FXYD6: variants seen among roughly 807,000 people sequenced by gnomAD.
FXYD6 encodes the protein FXYD domain-containing ion transport regulator 6.
In FXYD6, 7 loss-of-function variants were observed where a neutral mutation model predicts 16.7. That is an observed-to-expected ratio of 0.42 (90% CI 0.24 to 0.79). The LOEUF (loss-of-function observed/expected upper bound fraction) is 0.79, where lower values mean the gene tolerates loss of function less well. FXYD6 is among the 30% of genes least tolerant of loss of function. The pLI, the probability that FXYD6 is intolerant of heterozygous loss-of-function variation, is 0.28. For synonymous variants in FXYD6, 49 were observed against 43.0 expected, an observed-to-expected ratio of 1.14 and a Z score of -0.54; for missense variants, 111 against 116.2, an observed-to-expected ratio of 0.95 and a Z score of 0.21.
At chr11:117,861,467 T>C (rs1315880314) in intron 1 of FXYD6, among the ~76,000 whole-genome samples, 4 of 152,074 alleles carry the variant, frequency 2.6e-5, no homozygotes, top group Admixed American at 2.6e-4. Flanking sequence ...CCTTCCCGAG[T>C]CTGGCTCTGT....
intron 1 of FXYD6, among the ~76,000 whole-genome samples, chr11:117,848,487 C>G (rs572083204): frequency 6.6e-6 from 1 of 151,048 alleles, no homozygotes; most frequent in South Asian, 2.1e-4. Flanking sequence ...TGAGATTGGT[C>G]TGCAGTTTTT....
In FXYD6 at chr11:117,838,164, G is replaced by C. The variant is rs2056242911; in HGVS notation, c.*135C>G. 2.4e-5 allele frequency: 17 copies of C among 701,460 alleles called. No individual in the cohort carries two copies. The highest frequency in any genetic ancestry group is 2.4e-4 in the South Asian group (16 of 67,550). 43.5% of individuals were successfully genotyped at this position (701,460 alleles called of 1,614,324 possible). A position where few individuals can be genotyped will look rare whatever the true frequency, so the allele number is the denominator to read the frequency against. ...TGGTGTTAGAGGGGATAGGGTGGGG[G>C]ACACACAAGTTCTTGGCTTCTCCTG... On this transcript the variant is annotated 3_prime_UTR_variant, in exon 8 of 8. Coordinates refer to ENST00000526014, the MANE Select transcript of FXYD6 (RefSeq NM_022003.4).
At chr11:117,867,366 G>T (rs2057033529) in intron 1 of FXYD6, among the ~76,000 whole-genome samples, 1 of 152,130 alleles carries the variant, frequency 6.6e-6, no homozygotes, top group Admixed American at 6.6e-5. Context: ...CTGCATCTGT[G>T]GCAAAGTCCT....
intron 6 of FXYD6, 199 bp downstream of exon 6, chr11:117,840,120 G>T: frequency 1.5e-6 from 1 of 686,696 alleles, no homozygotes; most frequent in Non-Finnish European, 2.5e-6. Context: ...CAGATGCTCT[G>T]TAAATAGCAG....
chr11:117,863,365 A>C (rs2056949525), intron 1 of FXYD6, among the ~76,000 whole-genome samples: 1 of 152,194 alleles, frequency 6.6e-6, no homozygotes, highest in Admixed American at 6.5e-5. Flanking sequence ...CCACACGATC[A>C]TCTCAATTGA....
chr11:117,843,362 C>G (rs1031990153), intron 1 of FXYD6, among the ~76,000 whole-genome samples: 11 of 152,190 alleles, frequency 7.2e-5, no homozygotes, highest in Non-Finnish European at 1.0e-4. Flanking sequence ...TGACATGCAC[C>G]AGAGTGAGTA....
intron 2 of FXYD6, 137 bp downstream of exon 2, chr11:117,842,582 G>A: frequency 3.5e-6 from 3 of 854,298 alleles, no homozygotes; most frequent in Non-Finnish European, 5.6e-6. Context: ...GCTGACTGAA[G>A]GGAGAGGCCC....
chr11:117,836,994 A>T lies in FXYD6; in HGVS notation c.*1305T>A, dbSNP rs920027045. The T allele has an allele frequency of 2.0e-5, 3 of 152,148 alleles. No homozygotes were observed. The highest frequency in any genetic ancestry group is 7.2e-5 in the African/African-American group (3 of 41,402). 9.4% of individuals were successfully genotyped at this position (152,148 alleles called of 1,614,324 possible). A position where few individuals can be genotyped will look rare whatever the true frequency, so the allele number is the denominator to read the frequency against. ...CCTCCGAGCCACTAGGAAACAAAGGATATTTTATTCCTTTTTTCTGTTGTT... is the reference window on the plus strand; with the variant it reads ...CCTCCGAGCCACTAGGAAACAAAGGTTATTTTATTCCTTTTTTCTGTTGTT... On this transcript the variant is annotated 3_prime_UTR_variant, in exon 8 of 8. Transcript: ENST00000526014.
chr11:117,840,475 C>G, intron 5 of FXYD6, 107 bp from the exon 6 acceptor site: 2 of 1,482,508 alleles, frequency 1.3e-6, no homozygotes, highest in Non-Finnish European at 1.9e-6. Context: ...CAGGCTCCTC[C>G]CAGTGCCCTG....
rs528746121 is a variant in FXYD6, at chr11:117,851,515, A to G, written c.-5-8734T>C. 2.7e-4 allele frequency among the ~76,000 whole-genome samples: 41 copies of G among 152,364 alleles called. No individual in the cohort carries two copies. The South Asian group carries it at 5.2e-3, about 19-fold the overall frequency. On this transcript the variant is annotated intron_variant, in intron 1 of 7. Transcript: ENST00000526014. The stretch of plus-strand genomic sequence containing the variant: ...CCCACTGAAGATTCTCCCTGATTCC[A>G]TACCCTCAGAAACTGTGTGAAATAT...
intron 1 of FXYD6, among the ~76,000 whole-genome samples, chr11:117,858,666 TC>T (rs1465388101): frequency 1.2e-5 from 1 of 84,170 alleles, no homozygotes; most frequent in Non-Finnish European, 2.2e-5. Flanking sequence ...TTTCTTTCTT[TC>T]TTTCTTTCTT....
Position 117,850,506 on chromosome 11 carries a change from G to C in FXYD6, c.-5-7725C>G, listed in dbSNP as rs534951922. On this transcript the variant is annotated intron_variant, in intron 1 of 7. Transcript: ENST00000526014. The stretch of plus-strand genomic sequence containing the variant: ...TTTTTGAAAAATTCTGTATTGTCAG[G>C]CTTTCTGTATTAATTGTCAAATTTA... Among the ~76,000 whole-genome samples, 4 of 152,254 alleles carry C rather than the reference G, an allele frequency of 2.6e-5. No individual in the cohort carries two copies. The South Asian group carries it at 8.3e-4, about 32-fold the overall frequency.
intron 1 of FXYD6, among the ~76,000 whole-genome samples, chr11:117,862,844 G>C (rs7107910): frequency 0.47 from 71,228 of 151,894 alleles, 17,470 homozygotes; most frequent in East Asian, 0.72. Flanking sequence ...TGTCCCTCAG[G>C]CCTGGGCCCT....
intron 1 of FXYD6, among the ~76,000 whole-genome samples, chr11:117,868,649 A>G (rs558689648): frequency 3.2e-4 from 49 of 152,320 alleles, no homozygotes; most frequent in African/African-American, 9.9e-4. Flanking sequence ...TAAAGTGTCA[A>G]TGTTAGTCAA....
intron 1 of FXYD6, among the ~76,000 whole-genome samples, chr11:117,855,618 C>T (rs931953863): frequency 2.0e-5 from 3 of 152,106 alleles, no homozygotes; most frequent in Non-Finnish European, 4.4e-5. Flanking sequence ...GGGTAAGAGG[C>T]TGGGTGGTGA....
chr11:117,841,558 G>A, intron 4 of FXYD6: 1 of 606,820 alleles, frequency 1.6e-6, no homozygotes, highest in Non-Finnish European at 2.9e-6. Context: ...AAGCCACCCT[G>A]CTCGTTCCTA....
chr11:117,859,497 T>C (rs2056854105), intron 1 of FXYD6, among the ~76,000 whole-genome samples: 1 of 152,202 alleles, frequency 6.6e-6, no homozygotes, highest in African/African-American at 2.4e-5. Flanking sequence ...CTGTATTGGA[T>C]ACAAGAGGTA....
chr11:117,860,365 C>T (rs980365524), intron 1 of FXYD6, among the ~76,000 whole-genome samples: 12 of 152,180 alleles, frequency 7.9e-5, no homozygotes, highest in Non-Finnish European at 4.4e-5. Context: ...GCTGAGGCAG[C>T]GAGATACAGG....
chr11:117,838,697 G>A (rs961113029), intron 7 of FXYD6: 2 of 208,684 alleles, frequency 9.6e-6, no homozygotes, highest in African/African-American at 2.3e-5. Context: ...CTCCTAGATC[G>A]GAATCTTCGT....
Sources: gnomAD v4.1 joint callset for allele counts (sites outside exome capture counted in the v4.1 genomes callset) on GRCh38, gnomAD v4.1.1 for gene constraint, MANE v1.5 for transcripts, NCBI Gene and HGNC (gene_info 2026-07-23, HGNC 2026-07-21) for gene names.